Variants in PPIL4 observed in about 807,000 individuals in gnomAD.
PPIL4 encodes the protein peptidyl-prolyl cis-trans isomerase-like 4.
In PPIL4, 50 loss-of-function variants were observed where a neutral mutation model predicts 69.1. The ratio of observed to expected loss-of-function variants is 0.72; its 90% CI spans 0.58 to 0.92. The LOEUF (loss-of-function observed/expected upper bound fraction) is 0.92. PPIL4 is among the 40% of genes least tolerant of loss of function. The probability of loss-of-function intolerance (pLI) is 0.00; values close to 1 mark genes in which losing one functional copy is unlikely to be tolerated. For synonymous variants in PPIL4, 193 were observed against 191.6 expected (o/e 1.01, Z -0.06); for missense variants, 480 against 587.9 (o/e 0.82, Z 1.90).
chr6:149,540,849 T>C (rs1777348217), intron 4 of PPIL4, 93 bp downstream of exon 4: 1 of 691,666 alleles, frequency 1.4e-6, no homozygotes, highest in Admixed American at 2.3e-5. Context: ...TGAAACCCTC[T>C]AAGCCTTACT....
At chr6:149,510,315 A>AAGGGG (rs1776825202) in intron 12 of PPIL4, among the ~76,000 whole-genome samples, 1 of 152,230 alleles carries the variant, frequency 6.6e-6, no homozygotes, top group Non-Finnish European at 1.5e-5. Flanking sequence ...GAAGAAGGAA[A>AAGGGG]AGGGGAGGGA....
rs756274084 is a variant in PPIL4 at position 149,533,582 on chromosome 6, G to A, written c.562-8C>T. On this transcript the variant is annotated splice_region_variant and splice_polypyrimidine_tract_variant and intron_variant, in intron 6 of 12. Coordinates refer to ENST00000253329, the MANE Select transcript of PPIL4 (RefSeq NM_139126.4). ...TGCTCCTATTCGACCACTCTGTTAA[G>A]ACAGAAGTTACTCATGTATATATTT... 1.0e-5 allele frequency: 15 copies of A among 1,495,024 alleles called. No individual in the cohort carries two copies. In the Admixed American group the frequency reaches 2.4e-4, roughly 24 times the overall value. The allele number at this position is 1,495,024 out of a possible 1,614,324, so 92.6% of individuals were successfully genotyped here.
Position 149,505,154 on chromosome 6 carries a change from C to T in PPIL4, c.*299G>A, listed in dbSNP as rs553095625. ...TACATTTATTATCCCTTTATATATACGTTTATGTATTTTTGTAGTATGAAA... is the reference window on the plus strand; with the variant it reads ...TACATTTATTATCCCTTTATATATATGTTTATGTATTTTTGTAGTATGAAA... On this transcript the variant is annotated 3_prime_UTR_variant, in exon 13 of 13. Transcript: ENST00000253329. 5.3e-5 allele frequency: 13 copies of T among 244,468 alleles called. No individual in the cohort carries two copies. The highest frequency in any genetic ancestry group is 4.1e-4 in the Admixed American group (8 of 19,426). The allele number at this position is 244,468 out of a possible 1,614,324, so 15.1% of individuals were successfully genotyped here.
chr6:149,530,810 G>A (rs1290126217), intron 7 of PPIL4, among the ~76,000 whole-genome samples: 1 of 152,112 alleles, frequency 6.6e-6, no homozygotes, highest in African/African-American at 2.4e-5. Context: ...AATCATGAAT[G>A]GCTGAGAAAT....
At chr6:149,532,095 G>C (rs1166042769) in intron 7 of PPIL4, among the ~76,000 whole-genome samples, 1 of 152,146 alleles carries the variant, frequency 6.6e-6, no homozygotes, top group Admixed American at 6.5e-5. Context: ...AAGAGGTAAA[G>C]GGAAATAACA....
At chr6:149,524,879 C>T (rs187826775) in intron 9 of PPIL4, among the ~76,000 whole-genome samples, 1 of 150,938 alleles carries the variant, frequency 6.6e-6, no homozygotes, top group East Asian at 1.9e-4. Flanking sequence ...CCAGCCTGGG[C>T]AACAGAGTGA....
chr6:149,517,316 T>C (rs1250784932), intron 11 of PPIL4, 38 bp downstream of exon 11: 2 of 1,093,672 alleles, frequency 1.8e-6, no homozygotes, highest in Admixed American at 3.6e-5. Context: ...TAGCAGATGG[T>C]CAATACATAT....
chr6:149,542,828 T>G (rs1175626390), intron 1 of PPIL4, among the ~76,000 whole-genome samples: 2 of 152,148 alleles, frequency 1.3e-5, no homozygotes, highest in Admixed American at 1.3e-4. Flanking sequence ...GAAATTTAAA[T>G]GTTTTAGGGG....
intron 9 of PPIL4, among the ~76,000 whole-genome samples, chr6:149,522,004 G>T (rs968107756): frequency 2.0e-5 from 3 of 152,138 alleles, no homozygotes; most frequent in Non-Finnish European, 4.4e-5. Context: ...AGATAAAATA[G>T]TTATAATCAT....
intron 7 of PPIL4, among the ~76,000 whole-genome samples, chr6:149,527,188 T>C (rs1474278163): frequency 6.6e-6 from 1 of 152,284 alleles, no homozygotes; most frequent in East Asian, 1.9e-4. Flanking sequence ...TGAAACCCCA[T>C]TTCTACTAAA....
intron 12 of PPIL4, among the ~76,000 whole-genome samples, chr6:149,507,022 T>C (rs903342160): frequency 6.3e-4 from 96 of 152,340 alleles, no homozygotes; most frequent in African/African-American, 2.3e-3. Flanking sequence ...CAGCCAATGC[T>C]CTTTCAAGAG....
At chr6:149,505,807 A>G (rs539426728) in intron 12 of PPIL4, 103 bp from the exon 13 acceptor site, 5 of 988,682 alleles carry the variant, frequency 5.1e-6, no homozygotes, top group African/African-American at 3.3e-5. Flanking sequence ...GAAGGCTGTT[A>G]TAACAGCTTA....
chr6:149,522,730 A>G (rs955423202), intron 9 of PPIL4, among the ~76,000 whole-genome samples: 1 of 152,144 alleles, frequency 6.6e-6, no homozygotes, highest in East Asian at 1.9e-4. Flanking sequence ...CTCCTGCCTC[A>G]GTCTCCCGAG....
chr6:149,539,771 C>T (rs1443793490), intron 4 of PPIL4, among the ~76,000 whole-genome samples: 1 of 152,168 alleles, frequency 6.6e-6, no homozygotes, highest in African/African-American at 2.4e-5. Context: ...AAGGCAAGAC[C>T]CTTCACCAGC....
chr6:149,543,503 GATA>G (rs1777394509), intron 1 of PPIL4, among the ~76,000 whole-genome samples: 1 of 152,252 alleles, frequency 6.6e-6, no homozygotes, highest in Admixed American at 6.5e-5. Context: ...AAGTTTATGA[GATA>G]ATAAGAAAGT....
intron 9 of PPIL4, among the ~76,000 whole-genome samples, chr6:149,521,958 A>C (rs1280582913): frequency 6.6e-6 from 1 of 152,234 alleles, no homozygotes; most frequent in East Asian, 1.9e-4. Flanking sequence ...ACATTCCTGG[A>C]AACTTATTCT....
At chr6:149,544,337 G>A (rs1049590268) in intron 1 of PPIL4, among the ~76,000 whole-genome samples, 1 of 152,156 alleles carries the variant, frequency 6.6e-6, no homozygotes, top group African/African-American at 2.4e-5. Flanking sequence ...TTTGAGTTGG[G>A]TTTCTATCAC....
chr6:149,521,056 A>G lies in PPIL4; in HGVS notation c.982+4T>C, dbSNP rs1777022948. The G allele has an allele frequency of 1.4e-6, 2 of 1,463,434 alleles. No individual in the cohort carries two copies. Among genetic ancestry groups the G allele is most frequent in the Non-Finnish European group, 1.9e-6 (2 of 1,055,588 alleles). 90.7% of individuals were successfully genotyped at this position (1,463,434 alleles called of 1,614,324 possible). A position where few individuals can be genotyped will look rare whatever the true frequency, so the allele number is the denominator to read the frequency against. On this transcript the variant is annotated splice_donor_region_variant and intron_variant, in intron 10 of 12. Transcript: ENST00000253329. ...GAACAAAAACAAAAGATAAACCATC[A>G]TACCTTTTCCTTTCCATTTAACCTT... is the stretch of plus-strand genomic sequence containing the variant.
chr6:149,517,475 G>T (rs1288716246), intron 10 of PPIL4, 25 bp from the exon 11 acceptor site: 1 of 1,288,086 alleles, frequency 7.8e-7, no homozygotes, highest in Non-Finnish European at 1.1e-6. Flanking sequence ...AAGAAAAAAA[G>T]AGCTTAGTAA....
Sources: gnomAD v4.1 joint callset for allele counts (sites outside exome capture counted in the v4.1 genomes callset) on GRCh38, gnomAD v4.1.1 for gene constraint, MANE v1.5 for transcripts, NCBI Gene and HGNC (gene_info 2026-07-23, HGNC 2026-07-21) for gene names.